CENPC: variants seen among roughly 807,000 people sequenced by gnomAD.
CENPC encodes the protein CENP-C 1.
Under a neutral mutation model 112.1 loss-of-function variants are expected in CENPC, and 63 were observed. The observed-to-expected ratio is 0.56, with a 90% CI of 0.46 to 0.69. CENPC has a LOEUF of 0.69. CENPC is among the 30% of genes least tolerant of loss of function. CENPC has a pLI of 0.00. For synonymous variants in CENPC, 333 were observed against 367.6 expected (o/e 0.91, Z 1.08); for missense variants, 1,000 against 1,103.8 (o/e 0.91, Z 1.33).
At chr4:67,515,921 C>A (rs893884918) in intron 7 of CENPC, among the ~76,000 whole-genome samples, 5 of 151,902 alleles carry the variant, frequency 3.3e-5, no homozygotes, top group Admixed American at 2.0e-4. Context: ...GACCTTTCTC[C>A]ATAGTCCTAG....
chr4:67,510,976 C>T (rs760857111), intron 9 of CENPC: 5 of 455,126 alleles, frequency 1.1e-5, no homozygotes, highest in South Asian at 7.8e-5. Flanking sequence ...TTTATTTACC[C>T]ATCTGTTTAT....
intron 3 of CENPC, among the ~76,000 whole-genome samples, chr4:67,540,593 C>T (rs1409040245): frequency 6.6e-6 from 1 of 152,128 alleles, no homozygotes; most frequent in African/African-American, 2.4e-5. Flanking sequence ...TCACTTGAAC[C>T]TGGGAGGCAA....
Position 67,492,207 on chromosome 4 carries a change from G to A in CENPC, c.2488C>T (p.Pro830Ser). The change falls in exon 16 of 19, where the codon CCA becomes TCA. Residue 830 changes from proline (P) to serine (S), a missense_variant. Pro to Ser is a moderately conservative substitution (Grantham distance 74). Transcript: ENST00000273853. ...DPLQPTRVKDPETREIILMDL... is the reference protein window; with the variant it reads ...DPLQPTRVKDSETREIILMDL... ...ATGAGAATAATCTCTCTTGTTTCTG[G>A]GTCCTTTACCCTCGTTGGCTGCAAA... The A allele has an allele frequency of 1.9e-6, 3 of 1,565,632 alleles. No individual in the cohort carries two copies. Among genetic ancestry groups the A allele is most frequent in the Non-Finnish European group, 2.6e-6 (3 of 1,152,798 alleles).
intron 17 of CENPC, among the ~76,000 whole-genome samples, chr4:67,477,551 CT>C: frequency 6.6e-6 from 1 of 152,216 alleles, no homozygotes; most frequent in East Asian, 1.9e-4. Flanking sequence ...TGAATCTGAA[CT>C]GCAGTGCTTG....
intron 13 of CENPC, among the ~76,000 whole-genome samples, chr4:67,494,251 C>T (rs1250543062): frequency 3.9e-5 from 6 of 152,202 alleles, no homozygotes; most frequent in Admixed American, 2.6e-4. Flanking sequence ...CTTATCTGAA[C>T]AATGCAAAGT....
intron 3 of CENPC, 39 bp from the exon 4 acceptor site, chr4:67,539,973 G>T: frequency 2.8e-6 from 3 of 1,055,778 alleles, no homozygotes; most frequent in Non-Finnish European, 4.1e-6. Context: ...ACAAGATATA[G>T]TGTAATATCT....
In CENPC at chr4:67,490,121, T is replaced by C. The variant is rs749563897; in HGVS notation, c.2516A>G (p.Asp839Gly). The C allele has an allele frequency of 6.3e-7, 1 of 1,593,990 alleles. No individual in the cohort carries two copies. The change falls in exon 17 of 19, where the codon GAT (aspartate) becomes GGT (glycine). Residue 839 changes from aspartate (D) to glycine (G), a missense_variant and splice_region_variant. Coordinates refer to ENST00000273853, the MANE Select transcript of CENPC (RefSeq NM_001812.4). ...ATATGTATCTTGTGGCCTTACAAGA[T>C]CTAGGAGTAAAACAGTAATACAAAT... ...DPETREIILMDLVRPQDTYQF... is the reference protein window; with the variant it reads ...DPETREIILMGLVRPQDTYQF...
chr4:67,535,346 A>G, intron 4 of CENPC, among the ~76,000 whole-genome samples: 1 of 152,022 alleles, frequency 6.6e-6, no homozygotes, highest in East Asian at 1.9e-4. Context: ...CCAAGAAATA[A>G]GAGTTGCAAT....
At chr4:67,477,795 T>G (rs1463840345) in intron 17 of CENPC, among the ~76,000 whole-genome samples, 2 of 152,118 alleles carry the variant, frequency 1.3e-5, no homozygotes, top group Non-Finnish European at 2.9e-5. Context: ...TTAAAGAATT[T>G]TTTTTTAAAA....
chr4:67,507,974 G>T (rs928130121), intron 10 of CENPC, among the ~76,000 whole-genome samples: 2 of 152,058 alleles, frequency 1.3e-5, no homozygotes, highest in African/African-American at 4.8e-5. Flanking sequence ...ATTTATTTCA[G>T]TATATCCTCA....
intron 8 of CENPC, among the ~76,000 whole-genome samples, chr4:67,513,312 G>C (rs1725949286): frequency 6.6e-6 from 1 of 152,126 alleles, no homozygotes; most frequent in South Asian, 2.1e-4. Flanking sequence ...TAAGTGTGTA[G>C]TAACTTGTCA....
At chr4:67,472,765 T>G in intron 18 of CENPC, 90 bp from the exon 19 acceptor site, 1 of 1,264,760 alleles carries the variant, frequency 7.9e-7, no homozygotes, top group East Asian at 3.0e-5. Flanking sequence ...ACAGTTGTAG[T>G]ATAGGACACA....
chr4:67,517,905 C>G (rs1379866173), intron 7 of CENPC, among the ~76,000 whole-genome samples: 1 of 152,106 alleles, frequency 6.6e-6, no homozygotes, highest in African/African-American at 2.4e-5. Flanking sequence ...ACAGACAAAC[C>G]AGAAGGCAAT....
chr4:67,476,990 T>TC (rs967085654), intron 17 of CENPC, among the ~76,000 whole-genome samples: 1 of 152,004 alleles, frequency 6.6e-6, no homozygotes, highest in African/African-American at 2.4e-5. Context: ...CATATTTTCA[T>TC]CCCCTACAGT....
At chr4:67,516,136 C>A (rs1031075248) in intron 7 of CENPC, among the ~76,000 whole-genome samples, 1 of 151,966 alleles carries the variant, frequency 6.6e-6, no homozygotes, top group Non-Finnish European at 1.5e-5. Context: ...GAGATTCATG[C>A]ATTTAATGAG....
At chr4:67,518,504 C>T (rs355509) in intron 6 of CENPC, 136 bp from the exon 7 acceptor site, 535,061 of 893,506 alleles carry the variant, frequency 0.6, 162,438 homozygotes, top group East Asian at 0.78. Flanking sequence ...GACATAAATG[C>T]TGATTTGTGC....
chr4:67,522,727 T>C (rs767211128), intron 5 of CENPC, among the ~76,000 whole-genome samples: 2 of 152,100 alleles, frequency 1.3e-5, no homozygotes, highest in Non-Finnish European at 2.9e-5. Flanking sequence ...AGGCCAGGTG[T>C]GGTGGCTCAT....
intron 2 of CENPC, among the ~76,000 whole-genome samples, chr4:67,543,677 T>C (rs905426233): frequency 2.6e-5 from 4 of 152,204 alleles, no homozygotes; most frequent in African/African-American, 9.6e-5. Flanking sequence ...AATAACATCT[T>C]CACTTTTAAA....
intron 13 of CENPC, among the ~76,000 whole-genome samples, 168 bp from the exon 14 acceptor site, chr4:67,494,156 G>A (rs1343701210): frequency 6.6e-6 from 1 of 152,082 alleles, no homozygotes; most frequent in African/African-American, 2.4e-5. Flanking sequence ...TTAAAGAAAA[G>A]CCAATGGAAA....
Sources: allele counts gnomAD v4.1 joint callset (sites outside exome capture counted in the v4.1 genomes callset), GRCh38; gene constraint gnomAD v4.1.1; transcripts MANE v1.5; gene names NCBI Gene and HGNC (gene_info 2026-07-23, HGNC 2026-07-21).